LUZP2: variants seen among roughly 807,000 people sequenced by gnomAD.
The protein encoded by LUZP2 is leucine zipper protein 2.
In LUZP2, 52 loss-of-function variants were observed where a neutral mutation model predicts 51.6. The observed-to-expected ratio is 1.01, with a 90% CI of 0.81 to 1.27. The LOEUF is 1.27. LUZP2 is among the 50% of genes most tolerant of loss of function. The probability of loss-of-function intolerance (pLI) is 0.00; values close to 1 mark genes in which losing one functional copy is unlikely to be tolerated. For missense variants in LUZP2, 436 were observed against 395.4 expected (o/e 1.10, Z -0.87); for synonymous variants, 154 against 137.3 (o/e 1.12, Z -0.85).
chr11:24,857,142 A>C (rs919619445), intron 5 of LUZP2, among the ~76,000 whole-genome samples: 11 of 151,972 alleles, frequency 7.2e-5, no homozygotes, highest in Non-Finnish European at 1.5e-4. Flanking sequence ...AACCATAATT[A>C]GTTACCACTG....
intron 7 of LUZP2, among the ~76,000 whole-genome samples, chr11:24,955,597 C>T (rs187122932): frequency 3.7e-4 from 57 of 152,114 alleles, no homozygotes; most frequent in Non-Finnish European, 4.7e-4. Flanking sequence ...CCAACACACA[C>T]TTGTGATGTG....
chr11:24,893,830 A>G (rs10834533), intron 5 of LUZP2, among the ~76,000 whole-genome samples: 75,775 of 151,684 alleles, frequency 0.5, 19,396 homozygotes, highest in East Asian at 0.73. Context: ...TACAATTTTG[A>G]TCATAGTTTT....
At chr11:24,765,540 G>C (rs1424188420) in intron 5 of LUZP2, among the ~76,000 whole-genome samples, 1 of 151,794 alleles carries the variant, frequency 6.6e-6, no homozygotes, top group African/African-American at 2.4e-5. Flanking sequence ...TTTAATTCTG[G>C]TTATGTGATG....
chr11:24,654,185 A>G (rs1267082921), intron 1 of LUZP2, among the ~76,000 whole-genome samples: 4 of 152,206 alleles, frequency 2.6e-5, no homozygotes, highest in Non-Finnish European at 1.5e-5. Flanking sequence ...ATATAGATAC[A>G]TAAGCCAGTT....
At chr11:25,063,653 A>G (rs1163645816) in intron 10 of LUZP2, among the ~76,000 whole-genome samples, 1 of 151,920 alleles carries the variant, frequency 6.6e-6, no homozygotes. Flanking sequence ...ATGCAAATGC[A>G]TCTGAGTAAG....
intron 5 of LUZP2, among the ~76,000 whole-genome samples, chr11:24,855,335 A>G (rs754290516): frequency 5.1e-4 from 78 of 152,230 alleles, no homozygotes; most frequent in Non-Finnish European, 8.8e-4. Context: ...CCAATAACAA[A>G]CAAGCTGAGA....
intron 7 of LUZP2, among the ~76,000 whole-genome samples, chr11:24,924,171 G>A (rs1160079852): frequency 7.3e-5 from 11 of 150,340 alleles, no homozygotes; most frequent in Non-Finnish European, 1.5e-5. Context: ...TCTGCCTCCC[G>A]CGTTCAAGTG....
At chr11:24,842,790 A>G (rs574751226) in intron 5 of LUZP2, among the ~76,000 whole-genome samples, 4 of 152,064 alleles carry the variant, frequency 2.6e-5, no homozygotes, top group African/African-American at 7.2e-5. Flanking sequence ...TATAATAACA[A>G]TTCAGTGGAA....
chr11:24,672,362 G>A (rs1467189535), intron 1 of LUZP2, among the ~76,000 whole-genome samples: 1 of 151,768 alleles, frequency 6.6e-6, no homozygotes, highest in East Asian at 1.9e-4. Flanking sequence ...CTATTATTTT[G>A]GGAAAGCCAC....
intron 1 of LUZP2, among the ~76,000 whole-genome samples, chr11:24,610,142 G>A (rs1854072147): frequency 6.6e-6 from 1 of 152,314 alleles, no homozygotes; most frequent in Middle Eastern, 3.4e-3. Flanking sequence ...GAAGAATGGC[G>A]TTCGAAGAGG....
intron 2 of LUZP2, among the ~76,000 whole-genome samples, chr11:24,731,057 T>A (rs1197933700): frequency 6.6e-6 from 1 of 151,744 alleles, no homozygotes; most frequent in Non-Finnish European, 1.5e-5. Flanking sequence ...ATAAATAAGA[T>A]TGTTTATTGA....
intron 1 of LUZP2, among the ~76,000 whole-genome samples, chr11:24,684,987 T>G (rs1856853923): frequency 6.6e-6 from 1 of 152,040 alleles, no homozygotes; most frequent in Non-Finnish European, 1.5e-5. Flanking sequence ...GATGCTTATG[T>G]GCTTCTCTTA....
chr11:24,555,582 A>C (rs775612471), intron 1 of LUZP2, among the ~76,000 whole-genome samples: 6 of 152,174 alleles, frequency 3.9e-5, no homozygotes, highest in Non-Finnish European at 7.3e-5. Context: ...GCACCTAATT[A>C]CACAGAAGGA....
chr11:24,852,888 T>C (rs1012434506), intron 5 of LUZP2, among the ~76,000 whole-genome samples: 2 of 152,194 alleles, frequency 1.3e-5, no homozygotes, highest in African/African-American at 2.4e-5. Context: ...GATATTAGAA[T>C]TGCAAACCCC....
intron 5 of LUZP2, among the ~76,000 whole-genome samples, chr11:24,878,970 T>TATTC (rs1186739356): frequency 6.6e-6 from 1 of 151,598 alleles, no homozygotes; most frequent in Non-Finnish European, 1.5e-5. Flanking sequence ...TTTATATTTT[T>TATTC]ATTTATTTAT....
chr11:25,062,587 CAAAAAAAAAAAAAAAA>C (rs1163708322), intron 10 of LUZP2, among the ~76,000 whole-genome samples: 1 of 43,092 alleles, frequency 2.3e-5, no homozygotes, highest in Non-Finnish European at 5.2e-5. Context: ...AAGACCCTGT[CAAAAAAAAAAAAAAAA>C]AAAAAAAAAA....
intron 5 of LUZP2, among the ~76,000 whole-genome samples, chr11:24,894,464 C>T (rs574296463): frequency 3.9e-5 from 6 of 152,140 alleles, no homozygotes; most frequent in Middle Eastern, 6.8e-3. Flanking sequence ...CATGAGCCAC[C>T]GTGCCCGGCC....
At chr11:24,855,147 A>C (rs1851519919) in intron 5 of LUZP2, among the ~76,000 whole-genome samples, 1 of 152,182 alleles carries the variant, frequency 6.6e-6, no homozygotes, top group Non-Finnish European at 1.5e-5. Flanking sequence ...CAGACAAGAG[A>C]AAGAAATATA....
At chr11:24,897,893 G>C (rs2133772456) in intron 5 of LUZP2, among the ~76,000 whole-genome samples, 1 of 151,996 alleles carries the variant, frequency 6.6e-6, no homozygotes, top group Non-Finnish European at 1.5e-5. Flanking sequence ...CTTTTGCCTT[G>C]CCTTTAACAT....
Sources: gnomAD v4.1 joint callset for allele counts (sites outside exome capture counted in the v4.1 genomes callset) on GRCh38, gnomAD v4.1.1 for gene constraint, MANE v1.5 for transcripts, NCBI Gene and HGNC (gene_info 2026-07-23, HGNC 2026-07-21) for gene names.